Variants in CSMD1 observed in about 807,000 individuals in gnomAD.
CSMD1 encodes CUB and Sushi multiple domains 1.
CSMD1 carries 213 observed loss-of-function variants against 417.5 expected under a neutral mutation model. That is an observed-to-expected ratio of 0.51 (90% CI 0.46 to 0.57). The LOEUF is 0.57. Ranked by LOEUF, CSMD1 falls within the 20% of genes least tolerant of loss-of-function variation. CSMD1 has a pLI of 0.00. For synonymous variants in CSMD1, 2,862 were observed against 1,736.8 expected, an observed-to-expected ratio of 1.65 and a Z score of -16.11; for missense variants, 6,923 against 4,529.7, an observed-to-expected ratio of 1.53 and a Z score of -15.17.
chr8:4,126,817 T>A (rs1205254098), intron 3 of CSMD1, among the ~76,000 whole-genome samples: 1 of 152,036 alleles, frequency 6.6e-6, no homozygotes, highest in Non-Finnish European at 1.5e-5. Context: ...TAACCTGGGG[T>A]AGGAGATGTC....
chr8:4,611,589 A>G (rs1801173651), intron 2 of CSMD1, among the ~76,000 whole-genome samples: 1 of 152,030 alleles, frequency 6.6e-6, no homozygotes, highest in African/African-American at 2.4e-5. Flanking sequence ...CCCTCACCTC[A>G]CCAGAAGATG....
chr8:4,062,258 T>C (rs1335966291), intron 3 of CSMD1, among the ~76,000 whole-genome samples: 5 of 152,050 alleles, frequency 3.3e-5, no homozygotes, highest in African/African-American at 1.2e-4. Context: ...CATCATGTCA[T>C]AAATGCTGCA....
intron 3 of CSMD1, among the ~76,000 whole-genome samples, chr8:4,104,692 G>T (rs575429826): frequency 6.6e-6 from 1 of 152,162 alleles, no homozygotes; most frequent in Non-Finnish European, 1.5e-5. Flanking sequence ...GTTCCAGGCG[G>T]TTTCACACAA....
intron 8 of CSMD1, among the ~76,000 whole-genome samples, chr8:3,599,058 G>T (rs371639281): frequency 6.6e-6 from 1 of 152,206 alleles, no homozygotes; most frequent in Admixed American, 6.5e-5. Flanking sequence ...TCCAGCCTGG[G>T]TGTCAGAGCA....
chr8:4,394,234 T>G (rs946479300), intron 3 of CSMD1, among the ~76,000 whole-genome samples: 1 of 152,194 alleles, frequency 6.6e-6, no homozygotes, highest in Non-Finnish European at 1.5e-5. Context: ...CAGTAATTAT[T>G]TTATTCTTTC....
At chr8:4,904,425 A>G (rs1679996146) in intron 1 of CSMD1, among the ~76,000 whole-genome samples, 1 of 152,168 alleles carries the variant, frequency 6.6e-6, no homozygotes, top group Non-Finnish European at 1.5e-5. Context: ...TATATCTCAC[A>G]AATAAAACTA....
intron 3 of CSMD1, among the ~76,000 whole-genome samples, chr8:4,366,368 G>T (rs1307486725): frequency 6.6e-6 from 1 of 151,946 alleles, no homozygotes; most frequent in East Asian, 1.9e-4. Flanking sequence ...GTTTACCATT[G>T]AGAATAGCAC....
Position 4,786,462 on chromosome 8 carries a change from T to C in CSMD1, c.86-148904A>G, listed in dbSNP as rs114721795. On this transcript the variant is annotated intron_variant, in intron 1 of 69. Coordinates refer to ENST00000635120, the MANE Select transcript of CSMD1 (RefSeq NM_033225.6). ...TTCATCATGTATCTTGCTGATTCTC[T>C]GTTGAACACCACAGATATCTCATTT... is the stretch of plus-strand genomic sequence containing the variant. 3.3e-3 allele frequency among the ~76,000 whole-genome samples: 502 copies of C among 152,360 alleles called. 1 individual carries two copies. The highest frequency in any genetic ancestry group is 0.012 in the African/African-American group (485 of 41,582).
intron 3 of CSMD1, among the ~76,000 whole-genome samples, chr8:4,102,660 T>C (rs1801364989): frequency 6.6e-6 from 1 of 152,220 alleles, no homozygotes. Context: ...TGTAAAACTT[T>C]AAATACTCCA....
At chr8:4,741,376 G>A (rs1314453392) in intron 1 of CSMD1, among the ~76,000 whole-genome samples, 2 of 152,136 alleles carry the variant, frequency 1.3e-5, no homozygotes, top group African/African-American at 4.8e-5. Flanking sequence ...ATATTGAAAG[G>A]ACACTATTAT....
chr8:3,169,375 G>A (rs1175643790), intron 37 of CSMD1, among the ~76,000 whole-genome samples: 1 of 151,802 alleles, frequency 6.6e-6, no homozygotes, highest in East Asian at 1.9e-4. Context: ...ACAATGGAGT[G>A]AAAAGTCTAC....
intron 1 of CSMD1, among the ~76,000 whole-genome samples, chr8:4,843,696 C>G (rs1268670415): frequency 2.6e-5 from 4 of 152,108 alleles, no homozygotes; most frequent in Non-Finnish European, 4.4e-5. Context: ...GTTTTATCTA[C>G]TCTTCCAGAA....
intron 2 of CSMD1, among the ~76,000 whole-genome samples, chr8:4,508,112 A>C (rs1671977118): frequency 6.7e-6 from 1 of 149,950 alleles, no homozygotes; most frequent in South Asian, 2.1e-4. Context: ...AACCCCAAAA[A>C]ACAAAAACAG....
At chr8:3,058,273 T>C (rs571566178) in intron 49 of CSMD1, among the ~76,000 whole-genome samples, 1 of 152,344 alleles carries the variant, frequency 6.6e-6, no homozygotes, top group Non-Finnish European at 1.5e-5. Flanking sequence ...GTGCATTGTC[T>C]TCTTAAAATT....
At chr8:3,833,081 T>C (rs2129088709) in intron 5 of CSMD1, among the ~76,000 whole-genome samples, 1 of 152,292 alleles carries the variant, frequency 6.6e-6, no homozygotes, top group South Asian at 2.1e-4. Context: ...GTTTCTGATT[T>C]TTATTTTTAT....
At chr8:3,012,143 G>A (rs1343727788) in intron 52 of CSMD1, among the ~76,000 whole-genome samples, 12 of 151,868 alleles carry the variant, frequency 7.9e-5, no homozygotes. Flanking sequence ...TTATACTAAT[G>A]TACTCGGATG....
intron 1 of CSMD1, among the ~76,000 whole-genome samples, chr8:4,908,214 G>C (rs921568178): frequency 6.6e-6 from 1 of 152,104 alleles, no homozygotes. Flanking sequence ...TTTCTGATAA[G>C]AAATTTGCTG....
intron 23 of CSMD1, among the ~76,000 whole-genome samples, chr8:3,332,414 G>A (rs569911361): frequency 2.0e-5 from 3 of 152,336 alleles, no homozygotes; most frequent in African/African-American, 4.8e-5. Context: ...TGAATTAGCT[G>A]GGAAGAGGAG....
At chr8:4,822,765 C>A (rs550134920) in intron 1 of CSMD1, among the ~76,000 whole-genome samples, 50 of 152,076 alleles carry the variant, frequency 3.3e-4, no homozygotes, top group African/African-American at 1.2e-3. Flanking sequence ...CTGTTTTTAA[C>A]CTCTGGGTAT....
Sources: gnomAD v4.1 joint callset for allele counts (sites outside exome capture counted in the v4.1 genomes callset) on GRCh38, gnomAD v4.1.1 for gene constraint, MANE v1.5 for transcripts, NCBI Gene and HGNC (gene_info 2026-07-23, HGNC 2026-07-21) for gene names.